The following TRERF1 variants were observed in gnomAD, a reference collection of about 807,000 sequenced individuals.
The protein encoded by TRERF1 is transcriptional-regulating factor 1.
Under a neutral mutation model 122.9 loss-of-function variants are expected in TRERF1, and 27 were observed. The ratio of observed to expected loss-of-function variants is 0.22; its 90% CI spans 0.16 to 0.30. The LOEUF (loss-of-function observed/expected upper bound fraction) is 0.30, where lower values mean the gene tolerates loss of function less well. TRERF1 is among the 10% of genes least tolerant of loss of function. TRERF1 has a pLI of 1.00. For missense variants in TRERF1, 1,248 were observed against 1,560.3 expected, an observed-to-expected ratio of 0.80 and a Z score of 3.37; for synonymous variants, 636 against 641.7, an observed-to-expected ratio of 0.99 and a Z score of 0.13.
At chr6:42,343,518 G>A (rs543272338) in intron 3 of TRERF1, among the ~76,000 whole-genome samples, 82 of 152,290 alleles carry the variant, frequency 5.4e-4, no homozygotes, top group African/African-American at 1.8e-3. Flanking sequence ...CTATGAGGTT[G>A]TAGGGGGAGC....
In TRERF1 at chr6:42,331,884, G is replaced by A. The variant is rs566413374; in HGVS notation, c.-371+31113C>T. On this transcript the variant is annotated intron_variant, in intron 3 of 17. Coordinates refer to ENST00000372922, the Ensembl canonical transcript of TRERF1. ...CTTGAGCTCTGCCCCAAAGAGTTAG[G>A]AATGAGGAGTTTGTAAAATATGTGT... Among the ~76,000 whole-genome samples the A allele has an allele frequency of 3.3e-5, 5 of 152,314 alleles. No individual in the cohort carries two copies. In the South Asian group the frequency reaches 1.0e-3, roughly 32 times the overall value.
chr6:42,290,913 C>G (rs1784223982), intron 4 of TRERF1, among the ~76,000 whole-genome samples: 2 of 151,876 alleles, frequency 1.3e-5, no homozygotes, highest in South Asian at 4.2e-4. Context: ...GACCAGTCTC[C>G]CTGGGCCACA....
chr6:42,263,300 GGA>G lies in TRERF1; in HGVS notation c.1884+18_1884+19del. 6.2e-7 allele frequency: 1 copy of G among 1,602,716 alleles called. No homozygotes were observed. Among genetic ancestry groups the G allele is most frequent in the Non-Finnish European group, 8.5e-7 (1 of 1,173,982 alleles). On this transcript the variant is annotated intron_variant, in intron 8 of 17. Coordinates refer to ENST00000372922, the Ensembl canonical transcript of TRERF1. The surrounding 1 kb of genome is among the most constrained non-coding windows in gnomAD (Gnocchi z 5.6). ...GGCAGCCCCTTGGGGTGAGTGTGGGGGAGAGAGGGTCATCCTCACGAGCACAG... is the reference window on the plus strand; with the variant it reads ...GGCAGCCCCTTGGGGTGAGTGTGGGGGAGAGGGTCATCCTCACGAGCACAG...
intron 13 of TRERF1, among the ~76,000 whole-genome samples, chr6:42,251,908 C>A (rs1412161542): frequency 6.6e-6 from 1 of 152,170 alleles, no homozygotes; most frequent in Non-Finnish European, 1.5e-5. Flanking sequence ...GCAGGAATGA[C>A]CAGTTCAATG....
Position 42,304,840 on chromosome 6 carries a change from C to CA in TRERF1, c.-370-4092dup, listed in dbSNP as rs796351674. Among the ~76,000 whole-genome samples the CA allele has an allele frequency of 9.2e-5, 14 of 152,336 alleles. No homozygotes were observed. The East Asian group carries it at 2.1e-3, about 23-fold the overall frequency. ...CCCACAGCAAGAATTATCCAGCTCA[C>CA]AAAACCAGGGTGCTTACAGATAGCT... On this transcript the variant is annotated intron_variant, in intron 3 of 17. Transcript: ENST00000372922.
In TRERF1 at chr6:42,331,431, T is replaced by C. The variant is rs185109431; in HGVS notation, c.-370-30682A>G. On this transcript the variant is annotated intron_variant, in intron 3 of 17. Transcript: ENST00000372922. ...GCAGGAGACTAAGACCTGCAGAGAC[T>C]CTCCCTCCCTCCACCTGCCTGCACT... 1.1e-3 allele frequency among the ~76,000 whole-genome samples: 171 copies of C among 152,192 alleles called. 1 individual carries two copies. The highest frequency in any genetic ancestry group is 3.9e-3 in the African/African-American group (163 of 41,510).
chr6:42,336,843 G>A (rs769389368), intron 3 of TRERF1, among the ~76,000 whole-genome samples: 4 of 152,200 alleles, frequency 2.6e-5, no homozygotes, highest in Non-Finnish European at 5.9e-5. Flanking sequence ...GCTGCTTAGT[G>A]TTTGTTCAGC....
At chr6:42,392,931 T>TACACACACATACACACACACAC (rs1554201033) in intron 2 of TRERF1, among the ~76,000 whole-genome samples, 2 of 148,002 alleles carry the variant, frequency 1.4e-5, no homozygotes, top group Non-Finnish European at 3.0e-5. Flanking sequence ...TACACACACA[T>TACACACACATACACACACACAC]ACACACACAC....
At chr6:42,422,372 G>A (rs866700630) in intron 2 of TRERF1, among the ~76,000 whole-genome samples, 6 of 151,898 alleles carry the variant, frequency 4.0e-5, no homozygotes, top group African/African-American at 1.4e-4. Flanking sequence ...ATACAAGTTA[G>A]CCAAGTATGG....
rs186068230 is a variant in TRERF1, at chr6:42,262,792, A to C, written c.1884+528T>G. On this transcript the variant is annotated intron_variant, in intron 8 of 17. Coordinates refer to ENST00000372922, the Ensembl canonical transcript of TRERF1. ...TTCTCCAGGGTATTTAAGCAGACAA[A>C]AATATTAAGCAACTGGTAAGGCTGC... Among the ~76,000 whole-genome samples, 848 of 152,216 alleles carry C rather than the reference A, an allele frequency of 5.6e-3. 2 individuals carry two copies. The highest frequency in any genetic ancestry group is 9.5e-3 in the South Asian group (46 of 4,822).
At chr6:42,379,467 C>T (rs1207040495) in intron 2 of TRERF1, among the ~76,000 whole-genome samples, 1 of 152,130 alleles carries the variant, frequency 6.6e-6, no homozygotes, top group East Asian at 1.9e-4. Context: ...CCCCTCCCTC[C>T]CACCTTTGCT....
intron 2 of TRERF1, among the ~76,000 whole-genome samples, chr6:42,444,116 C>T (rs1488921432): frequency 6.6e-6 from 1 of 151,168 alleles, no homozygotes; most frequent in African/African-American, 2.4e-5. Context: ...TGGGAACCAC[C>T]GAGGCTGGTA....
At chr6:42,238,834 T>TACACAC (rs1561800049) in intron 15 of TRERF1, among the ~76,000 whole-genome samples, 761 of 69,532 alleles carry the variant, frequency 0.011, 7 homozygotes, top group African/African-American at 0.03. Context: ...AATCATGCAT[T>TACACAC]TCACACACAC....
chr6:42,232,692 C>T lies in TRERF1; in HGVS notation c.3267G>A (p.Lys1089=), dbSNP rs767678280. 2 of 1,598,796 alleles carry T rather than the reference C, an allele frequency of 1.3e-6. No individual in the cohort carries two copies. Among genetic ancestry groups the T allele is most frequent in the Non-Finnish European group, 1.7e-6 (2 of 1,167,988 alleles). The stretch of plus-strand genomic sequence containing the variant: ...TCCCCTGCACCTACTTGCCACACTC[C>T]TTGCAGGGGAAGATGGTGGTGGGGT... Residue 1089 remains lysine, a synonymous_variant, in exon 17 of 18, where the codon AAG becomes AAA. Coordinates refer to ENST00000372922, the Ensembl canonical transcript of TRERF1. The surrounding 1 kb of genome is among the most constrained non-coding windows in gnomAD (Gnocchi z 4.5).
chr6:42,236,236 G>A (rs1582450451), exon 16 of TRERF1: 1 of 1,599,924 alleles, frequency 6.3e-7, no homozygotes, highest in East Asian at 2.2e-5. Context: ...ACAGATGAAG[G>A]AGCCTGAGGG....
At chr6:42,236,438 G>A (rs1772208847) in intron 15 of TRERF1, 27 bp from the exon 16 acceptor site, 3 of 1,546,766 alleles carry the variant, frequency 1.9e-6, no homozygotes, top group Non-Finnish European at 2.6e-6. Flanking sequence ...AAAAGCAAGA[G>A]GGGAAAATCC....
At chr6:42,404,263 C>T (rs1227941957) in intron 2 of TRERF1, among the ~76,000 whole-genome samples, 1 of 152,134 alleles carries the variant, frequency 6.6e-6, no homozygotes, top group Non-Finnish European at 1.5e-5. Context: ...TGGGTTCCTC[C>T]TCATCTTTGT....
At chr6:42,300,109 G>A (rs1048556559) in intron 4 of TRERF1, among the ~76,000 whole-genome samples, 1 of 152,194 alleles carries the variant, frequency 6.6e-6, no homozygotes, top group Non-Finnish European at 1.5e-5. Context: ...ATGTGGAAGA[G>A]TCTTTGAAAG....
chr6:42,327,845 A>G (rs553718011), intron 3 of TRERF1, among the ~76,000 whole-genome samples: 5 of 152,240 alleles, frequency 3.3e-5, no homozygotes, highest in African/African-American at 1.2e-4. Context: ...ACAGCAGGGC[A>G]GGCAGAAGGC....
Sources: allele counts gnomAD v4.1 joint callset (sites outside exome capture counted in the v4.1 genomes callset), GRCh38; gene constraint gnomAD v4.1.1; non-coding constraint Gnocchi (gnomAD v3.1); transcripts MANE v1.5; gene names NCBI Gene and HGNC (gene_info 2026-07-23, HGNC 2026-07-21).